Variants in PLA2G4F observed in about 807,000 individuals in gnomAD.
PLA2G4F encodes the protein cytosolic phospholipase A2 zeta.
In PLA2G4F, 105 loss-of-function variants were observed where a neutral mutation model predicts 103.1. That is an observed-to-expected ratio of 1.02 (90% CI 0.87 to 1.20). The LOEUF (loss-of-function observed/expected upper bound fraction) is 1.20, where lower values mean the gene tolerates loss of function less well. PLA2G4F is among the 50% of genes most tolerant of loss of function. PLA2G4F has a pLI of 0.00. For missense variants in PLA2G4F, 1,155 were observed against 1,075.9 expected (o/e 1.07, Z -1.03); for synonymous variants, 468 against 441.1 (o/e 1.06, Z -0.76).
intron 16 of PLA2G4F, 123 bp downstream of exon 16, chr15:42,145,452 G>A: frequency 1.0e-6 from 1 of 985,754 alleles, no homozygotes; most frequent in Non-Finnish European, 1.6e-6. Flanking sequence ...ATTTCCTCAG[G>A]ACTTCCCCGA....
rs1184422437 is a variant in PLA2G4F at position 42,141,373 on chromosome 15, G to A, written c.*611C>T. On this transcript the variant is annotated 3_prime_UTR_variant, in exon 20 of 20. Coordinates refer to ENST00000397272, the MANE Select transcript of PLA2G4F (RefSeq NM_213600.4). Reference sequence around the variant, plus strand: ...ATCACCCCACAGGCTTTAGGGCGCTGGGAAGAGAAGGGTGATCTGGGAGGA... The same window carrying A: ...ATCACCCCACAGGCTTTAGGGCGCTAGGAAGAGAAGGGTGATCTGGGAGGA... 4.4e-6 allele frequency: 2 copies of A among 456,692 alleles called. No individual in the cohort carries two copies. The allele number at this position is 456,692 out of a possible 1,614,324, so 28.3% of individuals were successfully genotyped here. A position where few individuals can be genotyped will look rare whatever the true frequency, so the allele number is the denominator to read the frequency against.
At position 42,150,670 on chromosome 15, in the gene PLA2G4F, CG is replaced by C; in HGVS notation, c.708del (p.His236GlnfsTer2). On this transcript the variant is annotated frameshift_variant, in exon 8 of 20. Transcript: ENST00000397272. LOFTEE classifies it high-confidence loss of function. ...EPGLPPTFTF[H>X]VNPVLSSRLH... ...AGCCTGGAGCTCAGCACTGGGTTCACGTGGAAGGTAAAGGTGGGTGGGAGGC... is the reference window on the plus strand; with the variant it reads ...AGCCTGGAGCTCAGCACTGGGTTCACTGGAAGGTAAAGGTGGGTGGGAGGC... The C allele has an allele frequency of 6.2e-7, 1 of 1,613,830 alleles. No homozygotes were observed. Among genetic ancestry groups the C allele is most frequent in the Non-Finnish European group, 8.5e-7 (1 of 1,179,938 alleles).
Sources: allele counts gnomAD v4.1 joint callset, GRCh38; gene constraint gnomAD v4.1.1; transcripts MANE v1.5; gene names NCBI Gene and HGNC (gene_info 2026-07-23, HGNC 2026-07-21).